AFF1: variants seen among roughly 807,000 people sequenced by gnomAD.
AFF1 encodes ALF transcription elongation factor 1, also known as AF4/FMR2 family member 1.
In AFF1, 48 loss-of-function variants were observed where a neutral mutation model predicts 121.7. The observed-to-expected ratio is 0.39, with a 90% CI of 0.31 to 0.50. The LOEUF (loss-of-function observed/expected upper bound fraction) is 0.50. Ranked by LOEUF, AFF1 falls within the 20% of genes least tolerant of loss-of-function variation. The pLI is 0.76. For synonymous variants in AFF1, 613 were observed against 563.0 expected (o/e 1.09, Z -1.26); for missense variants, 1,523 against 1,511.7 (o/e 1.01, Z -0.12).
At chr4:86,957,594 G>A (rs1201321921) in intron 2 of AFF1, among the ~76,000 whole-genome samples, 1 of 152,074 alleles carries the variant, frequency 6.6e-6, no homozygotes, top group Non-Finnish European at 1.5e-5. Context: ...CCAGGCTGGA[G>A]TGCAGTGTTG....
At chr4:86,975,624 G>T (rs1723246473) in intron 2 of AFF1, among the ~76,000 whole-genome samples, 1 of 152,096 alleles carries the variant, frequency 6.6e-6, no homozygotes, top group Non-Finnish European at 1.5e-5. Flanking sequence ...GTGTGTTGAG[G>T]ATACAAAACT....
At position 87,137,045 on chromosome 4, in the gene AFF1, C is replaced by T. The variant is rs1019772986; in HGVS notation, c.*1344C>T. 1 of 224,268 alleles carries T rather than the reference C, an allele frequency of 4.5e-6. No individual in the cohort carries two copies. The highest frequency in any genetic ancestry group is 2.2e-5 in the African/African-American group (1 of 44,838). The allele number at this position is 224,268 out of a possible 1,614,324, so 13.9% of individuals were successfully genotyped here. On this transcript the variant is annotated 3_prime_UTR_variant, in exon 21 of 21. Coordinates refer to ENST00000395146, the MANE Select transcript of AFF1 (RefSeq NM_001166693.3). ...TTGAATGACCTAAAATGAAGTAACA[C>T]AATCAGAAATCCCATGTGCCCATAA...
intron 4 of AFF1, among the ~76,000 whole-genome samples, chr4:87,053,965 G>A (rs750556638): frequency 7.2e-5 from 11 of 152,162 alleles, no homozygotes; most frequent in Non-Finnish European, 1.5e-4. Context: ...CCAAGTGAGG[G>A]GTGTTGGGGC....
At chr4:87,132,123 T>A in intron 18 of AFF1, 148 bp from the exon 19 acceptor site, 4 of 905,026 alleles carry the variant, frequency 4.4e-6, no homozygotes, top group Non-Finnish European at 6.5e-6. Flanking sequence ...ACTTTTGGGA[T>A]AGTATGAACA....
chr4:86,994,368 T>C (rs1724953529), intron 2 of AFF1, among the ~76,000 whole-genome samples: 1 of 152,232 alleles, frequency 6.6e-6, no homozygotes, highest in African/African-American at 2.4e-5. Flanking sequence ...TTGGATTTTT[T>C]GAAATGTTGG....
chr4:86,938,126 GAA>G (rs1720177709), intron 1 of AFF1, among the ~76,000 whole-genome samples: 1 of 152,150 alleles, frequency 6.6e-6, no homozygotes, highest in African/African-American at 2.4e-5. Context: ...GGGAGATTGA[GAA>G]AGTATGTTAG....
chr4:87,115,123 C>G lies in AFF1; in HGVS notation c.2290C>G (p.Pro764Ala), dbSNP rs200076112. 6.2e-6 allele frequency: 10 copies of G among 1,614,186 alleles called. No homozygotes were observed. In the Middle Eastern group the frequency reaches 6.6e-4, roughly 107 times the overall value. Reference protein sequence around the residue: ...KLLSPLRDTPPPQSLMVKITL... With the variant: ...KLLSPLRDTPAPQSLMVKITL... ...GCTCTCACCGCTCAGGGACACTCCT[C>G]CCCCACAAAGCTTGATGGTGAAGAT... The change falls in exon 12 of 21, where the codon CCC becomes GCC. Residue 764 changes from proline to alanine, a missense_variant. By Grantham distance (27) the Pro-to-Ala change is conservative. This residue lies in a region of AFF1 where 905 missense variants were observed against 842.5 expected (regional missense o/e 1.07). Coordinates refer to ENST00000395146, the MANE Select transcript of AFF1 (RefSeq NM_001166693.3).
chr4:86,997,542 C>G (rs1725310869), intron 2 of AFF1, among the ~76,000 whole-genome samples: 1 of 142,292 alleles, frequency 7.0e-6, no homozygotes, highest in African/African-American at 2.6e-5. Flanking sequence ...GCAGGTGGAT[C>G]ACAAGGTCAG....
rs923581448 is a variant in AFF1, at chr4:87,140,282, G to A, written c.*4581G>A. ...TCACCTTTGTTCAGGCCATCGACAT[G>A]TATTGTTAAAATTACTGCATATCCC... On this transcript the variant is annotated 3_prime_UTR_variant, in exon 21 of 21. Transcript: ENST00000395146. The A allele has an allele frequency of 1.6e-5, 3 of 193,050 alleles. No individual in the cohort carries two copies. The highest frequency in any genetic ancestry group is 6.1e-5 in the Admixed American group (1 of 16,364). The allele number at this position is 193,050 out of a possible 1,614,324, so 12.0% of individuals were successfully genotyped here. A position where few individuals can be genotyped will look rare whatever the true frequency, so the allele number is the denominator to read the frequency against.
At chr4:86,941,092 TCAAAA>T (rs1720421570) in intron 1 of AFF1, among the ~76,000 whole-genome samples, 1 of 151,884 alleles carries the variant, frequency 6.6e-6, no homozygotes, top group African/African-American at 2.4e-5. Context: ...TGACTCGGTT[TCAAAA>T]CAAAACCTGT....
At chr4:87,055,209 G>A (rs937432320) in intron 4 of AFF1, among the ~76,000 whole-genome samples, 16 of 152,258 alleles carry the variant, frequency 1.1e-4, no homozygotes, top group Admixed American at 5.9e-4. Context: ...GCAATCTTAT[G>A]AAGAAACACT....
intron 4 of AFF1, among the ~76,000 whole-genome samples, chr4:87,082,431 G>T (rs1723266634): frequency 6.6e-6 from 1 of 152,142 alleles, no homozygotes. Flanking sequence ...GATCCTGCCA[G>T]ATGTAAGGGA....
At chr4:87,016,064 C>A (rs1221547070) in intron 2 of AFF1, among the ~76,000 whole-genome samples, 1 of 152,116 alleles carries the variant, frequency 6.6e-6, no homozygotes, top group African/African-American at 2.4e-5. Flanking sequence ...GCCTGTAATC[C>A]CAGCTACTCG....
At chr4:87,125,012 T>A (rs1049588804) in intron 12 of AFF1, 25 bp from the exon 13 acceptor site, 1 of 1,532,076 alleles carries the variant, frequency 6.5e-7, no homozygotes, top group Admixed American at 2.0e-5. Context: ...GGTAATAATT[T>A]GCTTTGCTGA....
At chr4:87,007,275 C>G (rs1285163349) in intron 2 of AFF1, 15 of 1,550,862 alleles carry the variant, frequency 9.7e-6, no homozygotes, top group African/African-American at 2.7e-5. Flanking sequence ...GCAGGTAGTC[C>G]CGTAACATCG....
intron 2 of AFF1, among the ~76,000 whole-genome samples, chr4:87,040,098 G>C (rs1729979497): frequency 6.6e-6 from 1 of 152,082 alleles, no homozygotes; most frequent in African/African-American, 2.4e-5. Context: ...CGCCATGTGG[G>C]CCAGGCTGGT....
At chr4:87,043,155 C>A (rs1264648933) in intron 2 of AFF1, among the ~76,000 whole-genome samples, 1 of 152,184 alleles carries the variant, frequency 6.6e-6, no homozygotes, top group Non-Finnish European at 1.5e-5. Flanking sequence ...GAGCTCTGCC[C>A]TGTGAAGCGG....
At position 87,135,644 on chromosome 4, in the gene AFF1, G is replaced by A. The variant is rs1729244034; in HGVS notation, c.3600G>A (p.Leu1200=). 2.5e-6 allele frequency: 4 copies of A among 1,612,672 alleles called. No individual in the cohort carries two copies. Among genetic ancestry groups the A allele is most frequent in the South Asian group, 2.2e-5 (2 of 90,634 alleles). The change falls in exon 21 of 21, where the codon CTG becomes CTA. Residue 1200 remains leucine, a synonymous_variant. Coordinates refer to ENST00000395146, the MANE Select transcript of AFF1 (RefSeq NM_001166693.3). ...CCCTCAACAGCAGTTTGGTGGACCT[G>A]GTGCACTATACACGACAGGGTTTTC... The part of the protein sequence containing the change: ...TLALNSSLVD[L]VHYTRQGFQQ...
At chr4:86,971,304 C>T (rs553799460) in intron 2 of AFF1, among the ~76,000 whole-genome samples, 1 of 152,314 alleles carries the variant, frequency 6.6e-6, no homozygotes, top group East Asian at 1.9e-4. Context: ...TGCATTATAA[C>T]ATGTTATTTT....
Sources: gnomAD v4.1 joint callset for allele counts (sites outside exome capture counted in the v4.1 genomes callset) on GRCh38, gnomAD v4.1.1 for gene constraint, gnomAD v4.1.1 regional missense constraint, MANE v1.5 for transcripts, NCBI Gene and HGNC (gene_info 2026-07-23, HGNC 2026-07-21) for gene names.